Variants in MECOM observed in about 807,000 individuals in gnomAD.
The protein encoded by MECOM is MDS1 and EVI1 complex locus, also known as histone-lysine N-methyltransferase MECOM.
In MECOM, 13 loss-of-function variants were observed where a neutral mutation model predicts 116.3. That is an observed-to-expected ratio of 0.11 (90% confidence interval 0.07 to 0.18). MECOM has a LOEUF of 0.18. Among genes scored for constraint, MECOM ranks in the 10% least tolerant of loss-of-function variants. The pLI, the probability that MECOM is intolerant of heterozygous loss-of-function variation, is 1.00. For missense variants in MECOM, 1,299 were observed against 1,509.0 expected, an observed-to-expected ratio of 0.86 and a Z score of 2.31; for synonymous variants, 528 against 535.2, an observed-to-expected ratio of 0.99 and a Z score of 0.19.
intron 1 of MECOM, among the ~76,000 whole-genome samples, chr3:169,645,590 C>G (rs1001163724): frequency 1.3e-5 from 2 of 152,188 alleles, no homozygotes; most frequent in African/African-American, 4.8e-5. Flanking sequence ...AACATCCACT[C>G]TCTTTGATGA....
At chr3:169,175,601 C>T (rs1039126515) in intron 2 of MECOM, among the ~76,000 whole-genome samples, 4 of 152,172 alleles carry the variant, frequency 2.6e-5, no homozygotes, top group Non-Finnish European at 2.9e-5. Context: ...GGACACTCAA[C>T]CTGTATTATT....
At chr3:169,328,527 T>G (rs1722225952) in intron 2 of MECOM, among the ~76,000 whole-genome samples, 1 of 152,188 alleles carries the variant, frequency 6.6e-6, no homozygotes, top group Non-Finnish European at 1.5e-5. Flanking sequence ...AACATTCTAT[T>G]ATGGAAAAGG....
At chr3:169,195,871 C>A (rs970349218) in intron 2 of MECOM, among the ~76,000 whole-genome samples, 3 of 152,020 alleles carry the variant, frequency 2.0e-5, no homozygotes, top group Non-Finnish European at 4.4e-5. Flanking sequence ...CATAAATACT[C>A]ATTCAACTCA....
At chr3:169,498,662 G>C (rs1312865504) in intron 1 of MECOM, among the ~76,000 whole-genome samples, 1 of 152,062 alleles carries the variant, frequency 6.6e-6, no homozygotes. Flanking sequence ...ATACAGGGAA[G>C]AATGAATTCA....
intron 1 of MECOM, among the ~76,000 whole-genome samples, chr3:169,433,537 GAAAGAAAGA>G (rs1742006133): frequency 7.1e-6 from 1 of 141,754 alleles, no homozygotes; most frequent in Non-Finnish European, 1.5e-5. Context: ...CAGACAGAAT[GAAAGAAAGA>G]AAAGAAAGAA....
At chr3:169,463,399 T>G (rs982688652) in intron 1 of MECOM, among the ~76,000 whole-genome samples, 1 of 152,112 alleles carries the variant, frequency 6.6e-6, no homozygotes, top group Non-Finnish European at 1.5e-5. Flanking sequence ...TTATTTCAAC[T>G]GAAAAAAAGT....
chr3:169,275,480 T>C (rs953755397), intron 2 of MECOM, among the ~76,000 whole-genome samples: 1 of 152,224 alleles, frequency 6.6e-6, no homozygotes, highest in Non-Finnish European at 1.5e-5. Flanking sequence ...TGCTATATCT[T>C]GTGAGCAGGA....
In MECOM at chr3:169,083,833, G is replaced by A. The variant is rs1000459158; in HGVS notation, c.*1076C>T. On this transcript the variant is annotated 3_prime_UTR_variant, in exon 17 of 17. Coordinates refer to ENST00000651503, the MANE Select transcript of MECOM (RefSeq NM_004991.4). ...TACAGTTTTTAATCAGAAGAATCATGCTTCCATGAAAGAAATTATAATCGT... is the reference window on the plus strand; with the variant it reads ...TACAGTTTTTAATCAGAAGAATCATACTTCCATGAAAGAAATTATAATCGT... 4.6e-6 allele frequency: 1 copy of A among 215,362 alleles called. No homozygotes were observed. The highest frequency in any genetic ancestry group is 2.2e-5 in the African/African-American group (1 of 44,456). 13.3% of individuals were successfully genotyped at this position (215,362 alleles called of 1,614,324 possible). A position where few individuals can be genotyped will look rare whatever the true frequency, so the allele number is the denominator to read the frequency against.
intron 2 of MECOM, among the ~76,000 whole-genome samples, chr3:169,316,297 T>G (rs1221884106): frequency 6.6e-6 from 1 of 152,228 alleles, no homozygotes; most frequent in African/African-American, 2.4e-5. Context: ...TCACATCTTG[T>G]TAAAAGGTGG....
At chr3:169,368,878 T>A (rs1729616215) in intron 2 of MECOM, among the ~76,000 whole-genome samples, 1 of 151,954 alleles carries the variant, frequency 6.6e-6, no homozygotes, top group Non-Finnish European at 1.5e-5. Flanking sequence ...GGGTTAATAA[T>A]AAGAAAGAAA....
chr3:169,489,224 T>G (rs1351515366), intron 1 of MECOM, among the ~76,000 whole-genome samples: 1 of 152,210 alleles, frequency 6.6e-6, no homozygotes, highest in Non-Finnish European at 1.5e-5. Flanking sequence ...AAGTTGAATA[T>G]GTAGCTGATC....
chr3:169,266,051 T>C (rs1433739995), intron 2 of MECOM, among the ~76,000 whole-genome samples: 1 of 152,210 alleles, frequency 6.6e-6, no homozygotes, highest in African/African-American at 2.4e-5. Context: ...GGGTGTTATT[T>C]ATGAGGCAAC....
rs536935727 is a variant in MECOM at position 169,214,090 on chromosome 3, C to A, written c.376-70258G>T. ...CCCAAAGCTTTCTTGAGTGTCTACA[C>A]TGCCCCCATCTTTCAATTGCTAAAG... On this transcript the variant is annotated intron_variant, in intron 2 of 16. Coordinates refer to ENST00000651503, the MANE Select transcript of MECOM (RefSeq NM_004991.4). Among the ~76,000 whole-genome samples, 4 of 152,272 alleles carry A rather than the reference C, an allele frequency of 2.6e-5. No individual in the cohort carries two copies. The East Asian group carries it at 7.7e-4, about 29-fold the overall frequency.
At chr3:169,166,870 G>A (rs1339129060) in intron 2 of MECOM, among the ~76,000 whole-genome samples, 2 of 152,180 alleles carry the variant, frequency 1.3e-5, no homozygotes, top group East Asian at 1.9e-4. Flanking sequence ...ACAGCCGTAA[G>A]CCACTGCACT....
At chr3:169,590,919 A>G (rs1766326367) in intron 1 of MECOM, among the ~76,000 whole-genome samples, 2 of 152,212 alleles carry the variant, frequency 1.3e-5, no homozygotes, top group African/African-American at 4.8e-5. Context: ...ATAATGCAAA[A>G]CGCAAGCAAG....
chr3:169,221,536 G>T (rs1328752269), intron 2 of MECOM, among the ~76,000 whole-genome samples: 1 of 147,700 alleles, frequency 6.8e-6, no homozygotes, highest in East Asian at 2.0e-4. Flanking sequence ...CTGTACTCAA[G>T]AGCACAGCTT....
chr3:169,584,450 A>C (rs948143525), intron 1 of MECOM, among the ~76,000 whole-genome samples: 1 of 151,628 alleles, frequency 6.6e-6, no homozygotes, highest in South Asian at 2.1e-4. Flanking sequence ...CTGTAGTCCC[A>C]GCTACTCAGG....
chr3:169,527,466 C>G (rs1576726080), intron 1 of MECOM, among the ~76,000 whole-genome samples: 2 of 152,120 alleles, frequency 1.3e-5, no homozygotes, highest in East Asian at 3.8e-4. Context: ...TACTTAAGCC[C>G]CACGCAGTTT....
chr3:169,131,002 G>A (rs577962677), intron 4 of MECOM, among the ~76,000 whole-genome samples: 128 of 152,032 alleles, frequency 8.4e-4, no homozygotes, highest in African/African-American at 2.8e-3. Flanking sequence ...CTCCCATATG[G>A]TCATATTGGC....
Sources: gnomAD v4.1 joint callset for allele counts (sites outside exome capture counted in the v4.1 genomes callset) on GRCh38, gnomAD v4.1.1 for gene constraint, MANE v1.5 for transcripts, NCBI Gene and HGNC (gene_info 2026-07-23, HGNC 2026-07-21) for gene names.